The following ZNF107 variants were observed in gnomAD, a reference collection of about 807,000 sequenced individuals.
ZNF107 encodes zinc finger protein 107, also known as C2H2 type zinc-finger protein.
A neutral mutation model predicts 12.3 loss-of-function variants in ZNF107; 19 were observed. The ratio of observed to expected loss-of-function variants is 1.55; its 90% CI spans 1.08 to 2.27. ZNF107 has a LOEUF of 2.27. Ranked by LOEUF, ZNF107 falls within the 30% of genes most tolerant of loss-of-function variation. ZNF107 has a pLI of 0.00. For missense variants in ZNF107, 958 were observed against 979.9 expected, an observed-to-expected ratio of 0.98 and a Z score of 0.30; for synonymous variants, 317 against 330.5, an observed-to-expected ratio of 0.96 and a Z score of 0.44.
chr7:64,700,894 T>A (rs1790455793), intron 3 of ZNF107, among the ~76,000 whole-genome samples: 1 of 152,188 alleles, frequency 6.6e-6, no homozygotes, highest in South Asian at 2.1e-4. Context: ...TGTAAAAAAA[T>A]TAATACAGTC....
chr7:64,706,586 T>C lies in ZNF107; in HGVS notation c.489T>C (p.Tyr163=), dbSNP rs763782715. The part of the protein sequence containing the change: ...VFDKFSNSNR[Y]KRRHTGNKHF... ...ATAAATTTTCAAATTCAAATAGATA[T>C]AAGAGAAGACATACAGGAAACAAAC... The change falls in exon 4 of 4, where the codon TAT becomes TAC. Residue 163 remains tyrosine (Y), a synonymous_variant. Coordinates refer to ENST00000620827, the MANE Select transcript of ZNF107 (RefSeq NM_001282359.2). 1.1e-5 allele frequency: 18 copies of C among 1,611,466 alleles called. No homozygotes were observed. The highest frequency in any genetic ancestry group is 1.4e-5 in the Non-Finnish European group (17 of 1,179,140).
chr7:64,705,103 A>G (rs1790596022), intron 3 of ZNF107, among the ~76,000 whole-genome samples: 1 of 152,014 alleles, frequency 6.6e-6, no homozygotes, highest in Admixed American at 6.5e-5. Context: ...GACCTGCAAA[A>G]TTTTCTTGAC....
intron 3 of ZNF107, among the ~76,000 whole-genome samples, chr7:64,695,023 TTTATA>T (rs1790241414): frequency 6.6e-6 from 1 of 151,884 alleles, no homozygotes; most frequent in African/African-American, 2.4e-5. Flanking sequence ...CTCAAATACT[TTTATA>T]TATTAGAGAC....
rs1479395583 is a variant in ZNF107, at chr7:64,711,516, A to G, written c.*2860A>G. The G allele has an allele frequency of 6.6e-6, 1 of 152,168 alleles. No homozygotes were observed. The highest frequency in any genetic ancestry group is 2.4e-5 in the African/African-American group (1 of 41,458). The allele number at this position is 152,168 out of a possible 1,614,324, so 9.4% of individuals were successfully genotyped here. Reference sequence around the variant, plus strand: ...GGGTCATTTTATGGTTATAATAAAAATTATATACAAGTATAAATAAACCAT... The same window carrying G: ...GGGTCATTTTATGGTTATAATAAAAGTTATATACAAGTATAAATAAACCAT... On this transcript the variant is annotated 3_prime_UTR_variant, in exon 4 of 4. Coordinates refer to ENST00000620827, the MANE Select transcript of ZNF107 (RefSeq NM_001282359.2).
intron 1 of ZNF107, chr7:64,690,599 A>ATGTGTTTTCTATTCC (rs1790083493): frequency 1.1e-6 from 1 of 924,670 alleles, no homozygotes; most frequent in African/African-American, 1.8e-5. Context: ...CCATTTAGCA[A>ATGTGTTTTCTATTCC]TGTGTTTTCT....
At chr7:64,691,221 A>AT in intron 1 of ZNF107, 27 bp from the exon 2 acceptor site, 1 of 1,434,306 alleles carries the variant, frequency 7.0e-7, no homozygotes, top group Non-Finnish European at 9.2e-7. Flanking sequence ...GCTGCTTGGT[A>AT]AATGTGTGTG....
chr7:64,708,616 C>T lies in ZNF107; in HGVS notation c.2519C>T (p.Thr840Ile). 1 of 1,594,372 alleles carries T rather than the reference C, an allele frequency of 6.3e-7. No homozygotes were observed. The highest frequency in any genetic ancestry group is 1.1e-5 in the South Asian group (1 of 89,522). ...SNLTTHKKIH[T>I]GEKPYKCEYG... is the part of the protein sequence containing the mutation. Reference sequence around the variant, plus strand: ...CTTACTACACATAAGAAAATTCATACTGGAGAGAAACCCTACAAATGTGAG... The same window carrying T: ...CTTACTACACATAAGAAAATTCATATTGGAGAGAAACCCTACAAATGTGAG... The change falls in exon 4 of 4, where the codon ACT (threonine) becomes ATT (isoleucine). Residue 840 changes from threonine (T) to isoleucine (I), a missense_variant. By Grantham distance (89) the Thr-to-Ile change is moderately conservative. Transcript: ENST00000620827.
At chr7:64,687,365 A>G (rs949191548) in intron 1 of ZNF107, 2 of 985,198 alleles carry the variant, frequency 2.0e-6, no homozygotes, top group African/African-American at 3.5e-5. Context: ...GTGCAATTCT[A>G]CCCAGGAGGC....
intron 3 of ZNF107, among the ~76,000 whole-genome samples, chr7:64,704,029 C>T (rs907273185): frequency 6.6e-6 from 1 of 151,684 alleles, no homozygotes; most frequent in Non-Finnish European, 1.5e-5. Flanking sequence ...AAAAAATCAA[C>T]TTTATTTGCA....
At chr7:64,682,133 T>G (rs2128959776) in intron 1 of ZNF107, among the ~76,000 whole-genome samples, 1 of 151,454 alleles carries the variant, frequency 6.6e-6, no homozygotes, top group South Asian at 2.1e-4. Flanking sequence ...CTGCAGTCTC[T>G]CCTAGGAATC....
At chr7:64,693,165 ATTT>A (rs34734604) in intron 3 of ZNF107, among the ~76,000 whole-genome samples, 15 of 110,122 alleles carry the variant, frequency 1.4e-4, no homozygotes, top group African/African-American at 5.2e-4. Context: ...CACTCAGCTA[ATTT>A]TTTTTTTTTT....
At chr7:64,691,099 C>T in intron 1 of ZNF107, 149 bp from the exon 2 acceptor site, 1 of 737,938 alleles carries the variant, frequency 1.4e-6, no homozygotes, top group Non-Finnish European at 1.7e-6. Flanking sequence ...GTCTCAATCT[C>T]TTGACCTCGT....
intron 1 of ZNF107, chr7:64,684,452 T>A: frequency 4.8e-6 from 2 of 420,918 alleles, no homozygotes; most frequent in Non-Finnish European, 6.4e-6. Context: ...GGTACCCCAA[T>A]GGCTGTCTGC....
At chr7:64,692,935 A>C (rs1790163651) in intron 3 of ZNF107, among the ~76,000 whole-genome samples, 1 of 151,974 alleles carries the variant, frequency 6.6e-6, no homozygotes, top group African/African-American at 2.4e-5. Context: ...AGAGTATATG[A>C]TCTGCAACCA....
chr7:64,670,621 A>G (rs1789185398), intron 1 of ZNF107, among the ~76,000 whole-genome samples: 1 of 152,270 alleles, frequency 6.6e-6, no homozygotes, highest in Non-Finnish European at 1.5e-5. Context: ...CATCTAAGTC[A>G]TAATGGGAAG....
chr7:64,684,573 C>A, intron 1 of ZNF107: 1 of 985,382 alleles, frequency 1.0e-6, no homozygotes, highest in Non-Finnish European at 1.2e-6. Flanking sequence ...TCTCCCCGAC[C>A]TCGTTAAAAC....
intron 1 of ZNF107, among the ~76,000 whole-genome samples, chr7:64,677,938 G>A (rs949264907): frequency 2.4e-4 from 36 of 148,894 alleles, no homozygotes; most frequent in African/African-American, 8.9e-4. Context: ...ATAAAAATTA[G>A]AAATAAGAGG....
At chr7:64,686,524 T>C in intron 1 of ZNF107, 2 of 985,342 alleles carry the variant, frequency 2.0e-6, no homozygotes, top group Non-Finnish European at 2.4e-6. Context: ...CATCACCCCG[T>C]CCACTTCTTT....
intron 1 of ZNF107, among the ~76,000 whole-genome samples, chr7:64,677,874 A>T (rs1654316636): frequency 7.5e-6 from 1 of 133,684 alleles, no homozygotes; most frequent in African/African-American, 2.8e-5. Flanking sequence ...AAAAAAAAAA[A>T]GGATGTCCAG....
Sources: gnomAD v4.1 joint callset for allele counts (sites outside exome capture counted in the v4.1 genomes callset) on GRCh38, gnomAD v4.1.1 for gene constraint, MANE v1.5 for transcripts, NCBI Gene and HGNC (gene_info 2026-07-23, HGNC 2026-07-21) for gene names.